PCDH15: variants seen among roughly 807,000 people sequenced by gnomAD.
The protein encoded by PCDH15 is protocadherin-15.
PCDH15 carries 129 observed loss-of-function variants against 178.5 expected under a neutral mutation model. The observed-to-expected ratio is 0.72, with a 90% CI of 0.63 to 0.84. The LOEUF is 0.84. Ranked by LOEUF, PCDH15 falls within the 40% of genes least tolerant of loss-of-function variation. PCDH15 has a pLI of 0.00. For missense variants in PCDH15, 2,230 were observed against 2,099.9 expected, an observed-to-expected ratio of 1.06 and a Z score of -1.21; for synonymous variants, 800 against 732.0, an observed-to-expected ratio of 1.09 and a Z score of -1.50.
chr10:55,071,290 AGACACAGACTGGCAAATT>A (rs1285502598), intron 2 of PCDH15, among the ~76,000 whole-genome samples: 1 of 40,972 alleles, frequency 2.4e-5, no homozygotes, highest in Non-Finnish European at 6.6e-5. Flanking sequence ...TCCAATTAAA[AGACACAGACTGGCAAATT>A]GGACAGAGTC....
intron 2 of PCDH15, among the ~76,000 whole-genome samples, chr10:55,625,127 C>T (rs1168975482): frequency 6.6e-6 from 1 of 152,028 alleles, no homozygotes; most frequent in Non-Finnish European, 1.5e-5. Context: ...CATCAGTACA[C>T]TGATTTTTTT....
chr10:54,981,554 C>T lies in PCDH15; in HGVS notation c.-79-84054G>A, dbSNP rs549089261. Reference sequence around the variant, plus strand: ...ATGGTAGGGCTTACTCCATATCAAACCAGATTGCCAAGAGATAATAACGAA... The same window carrying T: ...ATGGTAGGGCTTACTCCATATCAAATCAGATTGCCAAGAGATAATAACGAA... On this transcript the variant is annotated intron_variant, in intron 2 of 5. Coordinates refer to the PCDH15 transcript ENST00000458638. 5.3e-5 allele frequency among the ~76,000 whole-genome samples: 8 copies of T among 152,214 alleles called. No individual in the cohort carries two copies. In the East Asian group the frequency reaches 1.5e-3, roughly 29 times the overall value.
chr10:54,601,758 A>C (rs150920133), intron 2 of PCDH15, among the ~76,000 whole-genome samples: 72 of 152,128 alleles, frequency 4.7e-4, no homozygotes, highest in African/African-American at 1.7e-3. Flanking sequence ...ATTTCAGTAA[A>C]TGTGGTACAT....
intron 2 of PCDH15, among the ~76,000 whole-genome samples, chr10:55,408,279 G>A (rs529660353): frequency 2.0e-4 from 30 of 151,312 alleles, no homozygotes; most frequent in Middle Eastern, 3.4e-3. Context: ...TCTGTCTCCC[G>A]GGTTCAAGCG....
intron 3 of PCDH15, among the ~76,000 whole-genome samples, chr10:54,491,489 C>A (rs2079588845): frequency 6.6e-6 from 1 of 152,168 alleles, no homozygotes; most frequent in African/African-American, 2.4e-5. Flanking sequence ...TACCTTGTAA[C>A]TTCCCAGGTT....
At chr10:54,445,111 C>A (rs773251206) in intron 3 of PCDH15, among the ~76,000 whole-genome samples, 1 of 151,150 alleles carries the variant, frequency 6.6e-6, no homozygotes, top group East Asian at 2.0e-4. Context: ...GGATTCTCAC[C>A]CCAGTGTTCT....
At chr10:54,136,677 G>A (rs577413767) in intron 14 of PCDH15, among the ~76,000 whole-genome samples, 80 of 152,114 alleles carry the variant, frequency 5.3e-4, no homozygotes, top group African/African-American at 1.6e-3. Context: ...CCTTAAACTC[G>A]TATGAGTTAC....
intron 1 of PCDH15, among the ~76,000 whole-genome samples, chr10:55,199,715 A>G (rs962697309): frequency 1.9e-4 from 29 of 152,080 alleles, no homozygotes; most frequent in African/African-American, 6.5e-4. Context: ...GTCCAGGCCC[A>G]GGGACTTGCT....
At chr10:54,232,992 A>T (rs760285520) in intron 9 of PCDH15, among the ~76,000 whole-genome samples, 1 of 147,958 alleles carries the variant, frequency 6.8e-6, no homozygotes, top group Non-Finnish European at 1.5e-5. Flanking sequence ...CTGGAGTAAA[A>T]TGATGTGATC....
intron 3 of PCDH15, among the ~76,000 whole-genome samples, chr10:54,835,655 A>G (rs1381256966): frequency 1.3e-5 from 2 of 152,134 alleles, no homozygotes; most frequent in African/African-American, 4.8e-5. Context: ...ACACACCCTC[A>G]TTCACATAGC....
At chr10:54,325,874 A>G (rs944665861) in intron 7 of PCDH15, among the ~76,000 whole-genome samples, 3 of 152,112 alleles carry the variant, frequency 2.0e-5, no homozygotes, top group African/African-American at 7.2e-5. Flanking sequence ...GCACCACTGT[A>G]CTTCAGCCTG....
intron 13 of PCDH15, among the ~76,000 whole-genome samples, chr10:54,166,685 T>C (rs2046264948): frequency 6.6e-6 from 1 of 152,218 alleles, no homozygotes; most frequent in African/African-American, 2.4e-5. Context: ...CTGTCAGGCC[T>C]CTGAGCCCAA....
At chr10:53,897,539 C>T (rs757734090) in intron 26 of PCDH15, among the ~76,000 whole-genome samples, 2 of 152,168 alleles carry the variant, frequency 1.3e-5, no homozygotes, top group Non-Finnish European at 2.9e-5. Context: ...ATGTACGTAA[C>T]ACAAAAGTTA....
At chr10:54,137,760 ATCT>A (rs1474122574) in intron 14 of PCDH15, among the ~76,000 whole-genome samples, 3 of 152,168 alleles carry the variant, frequency 2.0e-5, no homozygotes, top group African/African-American at 4.8e-5. Context: ...CCAGATTAAA[ATCT>A]TCTTCTTTGA....
intron 13 of PCDH15, among the ~76,000 whole-genome samples, chr10:54,165,632 A>T (rs540885275): frequency 1.1e-4 from 16 of 152,278 alleles, no homozygotes; most frequent in Admixed American, 6.5e-4. Context: ...TCTCAAAAAA[A>T]GATTTCCTCA....
intron 3 of PCDH15, among the ~76,000 whole-genome samples, chr10:54,516,087 C>T (rs529045100): frequency 5.3e-5 from 8 of 152,242 alleles, no homozygotes; most frequent in Admixed American, 3.3e-4. Context: ...AAAAGCAGAG[C>T]GCCTCTCCTC....
intron 2 of PCDH15, among the ~76,000 whole-genome samples, chr10:55,163,613 G>A (rs997706947): frequency 1.3e-5 from 2 of 152,088 alleles, no homozygotes; most frequent in Non-Finnish European, 2.9e-5. Context: ...AACAGATTAC[G>A]GTAAAGAAGC....
intron 23 of PCDH15, among the ~76,000 whole-genome samples, chr10:53,947,658 A>C (rs377685170): frequency 5.3e-4 from 81 of 152,176 alleles, no homozygotes; most frequent in African/African-American, 1.9e-3. Context: ...AGTTTAAAAA[A>C]GACATGAATC....
intron 3 of PCDH15, among the ~76,000 whole-genome samples, chr10:54,839,770 G>A (rs866152692): frequency 2.0e-5 from 3 of 151,914 alleles, no homozygotes; most frequent in African/African-American, 7.3e-5. Context: ...AAATAAATAA[G>A]CAACTCATCA....
Sources: allele counts gnomAD v4.1 joint callset (sites outside exome capture counted in the v4.1 genomes callset), GRCh38; gene constraint gnomAD v4.1.1; transcripts MANE v1.5; gene names NCBI Gene and HGNC (gene_info 2026-07-23, HGNC 2026-07-21).